Variants in IKBIP observed in about 807,000 individuals in gnomAD.
The protein encoded by IKBIP is inhibitor of nuclear factor kappa-B kinase-interacting protein.
IKBIP carries 28 observed loss-of-function variants against 31.0 expected under a neutral mutation model. That is an observed-to-expected ratio of 0.90 (90% CI 0.67 to 1.24). The LOEUF (loss-of-function observed/expected upper bound fraction) is 1.24. Among genes scored for constraint, IKBIP ranks in the 50% most tolerant of loss-of-function variants. The pLI is 0.00. For synonymous variants in IKBIP, 164 were observed against 160.3 expected, an observed-to-expected ratio of 1.02 and a Z score of -0.17; for missense variants, 453 against 441.9, an observed-to-expected ratio of 1.03 and a Z score of -0.23.
exon 3 of IKBIP, chr12:98,613,716 A>G (rs762936463): frequency 1.1e-5 from 17 of 1,612,444 alleles, no homozygotes; most frequent in Admixed American, 1.7e-5. Context: ...TCGGTAACCA[A>G]TCTCCCAATG....
intron 1 of IKBIP, 126 bp from the exon 2 acceptor site, chr12:98,634,539 T>G (rs1407964719): frequency 5.6e-6 from 3 of 540,380 alleles, no homozygotes; most frequent in Non-Finnish European, 9.8e-6. Flanking sequence ...TGTAGGTTTT[T>G]TTTTTTTTTT....
At chr12:98,641,038 G>C (rs2097629933) in intron 1 of IKBIP, among the ~76,000 whole-genome samples, 1 of 152,198 alleles carries the variant, frequency 6.6e-6, no homozygotes, top group South Asian at 2.1e-4. Context: ...TGGGATTACA[G>C]GTGGGAGCCA....
chr12:98,615,400 T>C lies in IKBIP; in HGVS notation c.298-1060A>G, dbSNP rs192894334. Reference sequence around the variant, plus strand: ...GTTGTGTGCCACCACGCCTGGCTGATTGTTGTTTAGTAGTGACAGGGTTTC... The same window carrying C: ...GTTGTGTGCCACCACGCCTGGCTGACTGTTGTTTAGTAGTGACAGGGTTTC... On this transcript the variant is annotated intron_variant, in intron 2 of 2. Transcript: ENST00000342502. Among the ~76,000 whole-genome samples, 180 of 152,228 alleles carry C rather than the reference T, an allele frequency of 1.2e-3. 1 individual carries two copies. Among genetic ancestry groups the C allele is most frequent in the Middle Eastern group, 3.4e-3 (1 of 294 alleles).
intron 2 of IKBIP, among the ~76,000 whole-genome samples, chr12:98,619,206 A>G (rs1389202982): frequency 6.6e-6 from 1 of 152,228 alleles, no homozygotes. Context: ...TTTAAGGAGG[A>G]AGTTTTGCAA....
chr12:98,633,737 T>C (rs936662072), intron 2 of IKBIP, among the ~76,000 whole-genome samples: 1 of 151,956 alleles, frequency 6.6e-6, no homozygotes, highest in Non-Finnish European at 1.5e-5. Flanking sequence ...GCTGGTCTCC[T>C]AACTCCTGAC....
chr12:98,627,776 CT>C (rs1436960772), intron 2 of IKBIP, among the ~76,000 whole-genome samples: 1 of 152,162 alleles, frequency 6.6e-6, no homozygotes, highest in Non-Finnish European at 1.5e-5. Flanking sequence ...TTTTTAGAAA[CT>C]GCAACTTTGT....
At chr12:98,620,271 T>C (rs986756962), downstream of IKBIP, among the ~76,000 whole-genome samples, 13 of 152,148 alleles carry the variant, frequency 8.5e-5, no homozygotes, top group African/African-American at 2.6e-4. Flanking sequence ...GGTTAGATGC[T>C]GTCCTGTAAT....
chr12:98,623,691 G>A (rs909350038), downstream of IKBIP, among the ~76,000 whole-genome samples: 3 of 147,970 alleles, frequency 2.0e-5, no homozygotes, highest in Non-Finnish European at 4.4e-5. Flanking sequence ...ATGAGGCACT[G>A]TGCCTGGCCA....
intron 2 of IKBIP, among the ~76,000 whole-genome samples, chr12:98,614,616 G>T (rs941676397): frequency 6.6e-6 from 1 of 151,600 alleles, no homozygotes. Flanking sequence ...TAGTAGAGAC[G>T]GGTCTTCACC....
downstream of IKBIP, among the ~76,000 whole-genome samples, chr12:98,620,951 A>C (rs2097609703): frequency 1.3e-5 from 2 of 152,006 alleles, no homozygotes; most frequent in Non-Finnish European, 1.5e-5. Context: ...TTACTATTTA[A>C]AACTAAGCCC....
At chr12:98,613,807 T>G in exon 3 of IKBIP, 1 of 1,610,252 alleles carries the variant, frequency 6.2e-7, no homozygotes, top group South Asian at 1.1e-5. Flanking sequence ...TTAGATCATT[T>G]GCAAAAGTCA....
chr12:98,630,940 T>G lies in IKBIP; in HGVS notation c.297+3356A>C, dbSNP rs572956240. ...GAATATTTCTTTTTTTTCTTTTCAT[T>G]TTTTTTTTTGAGACGGAGTTTCGCT... On this transcript the variant is annotated intron_variant, in intron 2 of 2. Transcript: ENST00000299157. 6.6e-3 allele frequency among the ~76,000 whole-genome samples: 994 copies of G among 150,098 alleles called. 15 individuals carry two copies. Among genetic ancestry groups the G allele is most frequent in the African/African-American group, 0.023 (935 of 41,118 alleles).
At chr12:98,626,808 A>G (rs750375379) in intron 2 of IKBIP, 42 bp from the exon 3 acceptor site, 2 of 1,464,258 alleles carry the variant, frequency 1.4e-6, no homozygotes, top group East Asian at 2.3e-5. Flanking sequence ...CTACTTAATA[A>G]TTTTCATATT....
intron 1 of IKBIP, among the ~76,000 whole-genome samples, chr12:98,641,067 G>A (rs1358055174): frequency 1.3e-5 from 2 of 152,158 alleles, no homozygotes; most frequent in Non-Finnish European, 2.9e-5. Context: ...GGCCTATCAG[G>A]CCTTTATTTA....
At chr12:98,635,853 CAG>C (rs142384762) in intron 1 of IKBIP, among the ~76,000 whole-genome samples, 10 of 152,286 alleles carry the variant, frequency 6.6e-5, no homozygotes, top group African/African-American at 2.2e-4. Flanking sequence ...ACAATCAGTG[CAG>C]AGTGTATAAA....
At chr12:98,639,509 C>T (rs940650068) in intron 1 of IKBIP, among the ~76,000 whole-genome samples, 2 of 152,186 alleles carry the variant, frequency 1.3e-5, no homozygotes, top group Non-Finnish European at 2.9e-5. Flanking sequence ...CTACTTTTAG[C>T]GTAGGCCTTA....
chr12:98,631,791 C>T (rs796815143), intron 2 of IKBIP, among the ~76,000 whole-genome samples: 13 of 81,820 alleles, frequency 1.6e-4, no homozygotes, highest in African/African-American at 5.1e-4. Flanking sequence ...ACCTCCCCCA[C>T]AAAAAAAAAA....
Position 98,626,695 on chromosome 12 carries a change from T to C in IKBIP, c.369A>G (p.Glu123=). 1 of 1,614,060 alleles carries C rather than the reference T, an allele frequency of 6.2e-7. No individual in the cohort carries two copies. Among genetic ancestry groups the C allele is most frequent in the Admixed American group, 1.7e-5 (1 of 60,014 alleles). Residue 123 remains glutamate (E), a synonymous_variant, in exon 3 of 3, where the codon GAA becomes GAG. Coordinates refer to ENST00000299157, the MANE Select transcript of IKBIP (RefSeq NM_153687.4). ...SMSLMTQFEQ[E]VSNLQDIMHD... is the part of the protein sequence containing the mutation. ...GCATGATATCTTGGAGGTTGGATAC[T>C]TCCTGCTCAAACTGGGTCATCAAAG...
At chr12:98,632,542 T>TATATATAC (rs1394868381) in intron 2 of IKBIP, among the ~76,000 whole-genome samples, 1 of 97,854 alleles carries the variant, frequency 1.0e-5, no homozygotes, top group East Asian at 3.4e-4. Flanking sequence ...TATATATATA[T>TATATATAC]ATATATGAAG....
Sources: gnomAD v4.1 joint callset for allele counts (sites outside exome capture counted in the v4.1 genomes callset) on GRCh38, gnomAD v4.1.1 for gene constraint, MANE v1.5 for transcripts, NCBI Gene and HGNC (gene_info 2026-07-23, HGNC 2026-07-21) for gene names.